The following AMBRA1 variants were observed in gnomAD, a reference collection of about 807,000 sequenced individuals.
AMBRA1 encodes activating molecule in BECN1-regulated autophagy protein 1.
AMBRA1 carries 47 observed loss-of-function variants against 125.4 expected under a neutral mutation model. The observed-to-expected ratio is 0.37, with a 90% CI of 0.30 to 0.48. The LOEUF (loss-of-function observed/expected upper bound fraction) is 0.48, where lower values mean the gene tolerates loss of function less well. Among genes scored for constraint, AMBRA1 ranks in the 20% least tolerant of loss-of-function variants. The pLI is 0.99. For missense variants in AMBRA1, 1,331 were observed against 1,693.4 expected (o/e 0.79, Z 3.76); for synonymous variants, 626 against 655.5 (o/e 0.95, Z 0.69).
Position 46,478,936 on chromosome 11 carries a change from C to T in AMBRA1, c.2521+14672G>A, listed in dbSNP as rs371421065. On this transcript the variant is annotated intron_variant, in intron 11 of 17. Coordinates refer to ENST00000683756, the MANE Select transcript of AMBRA1 (RefSeq NM_001387011.1). Reference sequence around the variant, plus strand: ...AATTTGTGCTGGACGCAGTGGCTCACGCCAGTAATCCTAACACTTTGGGAG... The same window carrying T: ...AATTTGTGCTGGACGCAGTGGCTCATGCCAGTAATCCTAACACTTTGGGAG... Among the ~76,000 whole-genome samples, 12 of 152,318 alleles carry T rather than the reference C, an allele frequency of 7.9e-5. No homozygotes were observed. In the South Asian group the frequency reaches 8.3e-4, roughly 11 times the overall value.
intron 11 of AMBRA1, among the ~76,000 whole-genome samples, chr11:46,468,210 G>A (rs967814574): frequency 6.6e-6 from 1 of 152,064 alleles, no homozygotes; most frequent in African/African-American, 2.4e-5. Flanking sequence ...CAAGCAGTGC[G>A]TGGTGGGACC....
At chr11:46,487,659 C>T (rs1336982924) in intron 11 of AMBRA1, among the ~76,000 whole-genome samples, 1 of 151,922 alleles carries the variant, frequency 6.6e-6, no homozygotes, top group Non-Finnish European at 1.5e-5. Context: ...GAAACTGATC[C>T]TGATAAAATA....
chr11:46,585,594 A>G lies in AMBRA1; in HGVS notation c.-121+8234T>C, dbSNP rs183380348. On this transcript the variant is annotated intron_variant, in intron 1 of 17. Transcript: ENST00000683756. ...GGCAGGAGAATCGCTTGAACCAAGG[A>G]GGCGGAGGTTGCAGTGAGCTGAGAT... Among the ~76,000 whole-genome samples, 242 of 119,106 alleles carry G rather than the reference A, an allele frequency of 2.0e-3. 1 individual carries two copies. The highest frequency in any genetic ancestry group is 7.2e-3 in the African/African-American group (222 of 31,024). The allele number at this position is 119,106 out of a possible 152,430, so 78.1% of individuals were successfully genotyped here. A position where few individuals can be genotyped will look rare whatever the true frequency, so the allele number is the denominator to read the frequency against.
intron 11 of AMBRA1, among the ~76,000 whole-genome samples, chr11:46,447,761 TA>T (rs2136771815): frequency 9.1e-6 from 1 of 109,446 alleles, no homozygotes; most frequent in African/African-American, 2.8e-5. Context: ...GATAGATAGA[TA>T]GATAGATAGA....
At chr11:46,551,720 TTACTC>T (rs1300925873) in intron 1 of AMBRA1, among the ~76,000 whole-genome samples, 2 of 148,990 alleles carry the variant, frequency 1.3e-5, no homozygotes, top group African/African-American at 5.0e-5. Flanking sequence ...AATACAAAAT[TTACTC>T]TACTAAAAAG....
intron 7 of AMBRA1, among the ~76,000 whole-genome samples, chr11:46,513,175 G>T (rs894893546): frequency 6.6e-6 from 1 of 151,784 alleles, no homozygotes; most frequent in Non-Finnish European, 1.5e-5. Context: ...ATCACATAGT[G>T]CTAACATTTA....
chr11:46,574,602 G>C (rs1056625225), intron 1 of AMBRA1, among the ~76,000 whole-genome samples: 1 of 152,148 alleles, frequency 6.6e-6, no homozygotes. Flanking sequence ...AAAGTTTGCA[G>C]AATCCTTTTT....
At chr11:46,476,248 C>A (rs910423964) in intron 11 of AMBRA1, among the ~76,000 whole-genome samples, 2 of 152,204 alleles carry the variant, frequency 1.3e-5, no homozygotes, top group African/African-American at 4.8e-5. Flanking sequence ...CTGTTAGTTC[C>A]ATCCAGTGGC....
intron 4 of AMBRA1, 114 bp from the exon 5 acceptor site, chr11:46,545,890 A>C: frequency 1.1e-6 from 1 of 900,480 alleles, no homozygotes; most frequent in Admixed American, 2.7e-5. Flanking sequence ...GGACTACTTT[A>C]AATACATCCT....
chr11:46,454,552 G>A (rs189160964), intron 11 of AMBRA1, among the ~76,000 whole-genome samples: 2,547 of 145,384 alleles, frequency 0.018, 86 homozygotes, highest in African/African-American at 0.062. Context: ...TGGCTAACAC[G>A]GTGAAACCCC....
At chr11:46,469,996 T>G (rs1242248745) in intron 11 of AMBRA1, among the ~76,000 whole-genome samples, 5 of 152,168 alleles carry the variant, frequency 3.3e-5, no homozygotes, top group Non-Finnish European at 7.4e-5. Context: ...TTTAAAAATT[T>G]ACAATAATCT....
At chr11:46,526,923 G>A (rs980115955) in intron 7 of AMBRA1, among the ~76,000 whole-genome samples, 8 of 152,200 alleles carry the variant, frequency 5.3e-5, no homozygotes, top group African/African-American at 1.9e-4. Context: ...TCTTCTCAAA[G>A]GAACCTTGGC....
intron 7 of AMBRA1, among the ~76,000 whole-genome samples, chr11:46,517,212 A>C (rs916419893): frequency 3.4e-5 from 5 of 147,932 alleles, no homozygotes; most frequent in South Asian, 2.2e-4. Flanking sequence ...CAATGGTGCA[A>C]TCTCGGCTCA....
chr11:46,519,598 C>T (rs1207902588), intron 7 of AMBRA1, among the ~76,000 whole-genome samples: 1 of 152,216 alleles, frequency 6.6e-6, no homozygotes, highest in African/African-American at 2.4e-5. Flanking sequence ...TAAGGTGCCA[C>T]TGGTGCCCCA....
chr11:46,477,781 G>T (rs12277441), intron 11 of AMBRA1, among the ~76,000 whole-genome samples: 1 of 150,786 alleles, frequency 6.6e-6, no homozygotes. Flanking sequence ...AGTCCTAAAA[G>T]ATTGATTGGT....
At chr11:46,499,547 C>T (rs1329809067) in intron 9 of AMBRA1, among the ~76,000 whole-genome samples, 1 of 152,194 alleles carries the variant, frequency 6.6e-6, no homozygotes, top group Non-Finnish European at 1.5e-5. Flanking sequence ...TTTACAAATA[C>T]ATTGAGGCTC....
At chr11:46,554,121 A>G (rs2043097861) in intron 1 of AMBRA1, among the ~76,000 whole-genome samples, 1 of 152,240 alleles carries the variant, frequency 6.6e-6, no homozygotes, top group Non-Finnish European at 1.5e-5. Flanking sequence ...CTCTACTGCA[A>G]TTCTTTTACC....
chr11:46,537,966 CA>C (rs1371987781), intron 7 of AMBRA1, among the ~76,000 whole-genome samples: 1 of 152,202 alleles, frequency 6.6e-6, no homozygotes, highest in African/African-American at 2.4e-5. Flanking sequence ...ACAGCAGGGA[CA>C]CCTTTTCTTC....
At position 46,417,918 on chromosome 11, in the gene AMBRA1, T is replaced by C. The variant is rs1411067905; in HGVS notation, c.3111A>G (p.Arg1037=). 3.7e-6 allele frequency: 6 copies of C among 1,609,058 alleles called. No homozygotes were observed. In the East Asian group the frequency reaches 1.1e-4, roughly 30 times the overall value. ...GTNKGDLVIC[R]PEALNSGVEY... is the part of the protein sequence containing the mutation. The stretch of plus-strand genomic sequence containing the variant: ...CCACACTTTAAGCCACTTACTCTGG[T>C]CGGCAGATCACCAGGTCTCCTTTGT... Residue 1037 remains arginine, a synonymous_variant, in exon 15 of 18, where the codon CGA becomes CGG. Transcript: ENST00000683756.
Sources: gnomAD v4.1 joint callset for allele counts (sites outside exome capture counted in the v4.1 genomes callset) on GRCh38, gnomAD v4.1.1 for gene constraint, MANE v1.5 for transcripts, NCBI Gene and HGNC (gene_info 2026-07-23, HGNC 2026-07-21) for gene names.